The following FAT3 variants were observed in gnomAD, a reference collection of about 807,000 sequenced individuals.
FAT3 encodes the protein protocadherin Fat 3.
FAT3 carries 95 observed loss-of-function variants against 310.2 expected under a neutral mutation model. The ratio of observed to expected loss-of-function variants is 0.31; its 90% CI spans 0.26 to 0.36. The LOEUF (loss-of-function observed/expected upper bound fraction) is 0.36. Among genes scored for constraint, FAT3 ranks in the 10% least tolerant of loss-of-function variants. FAT3 has a pLI of 1.00. For missense variants in FAT3, 5,408 were observed against 5,715.6 expected (o/e 0.95, Z 1.74); for synonymous variants, 2,314 against 2,192.9 (o/e 1.06, Z -1.54).
At chr11:92,687,598 C>G (rs1299841385) in intron 3 of FAT3, among the ~76,000 whole-genome samples, 1 of 152,156 alleles carries the variant, frequency 6.6e-6, no homozygotes, top group Non-Finnish European at 1.5e-5. Flanking sequence ...ATGTGTCTAC[C>G]TCTCTCACTG....
intron 1 of FAT3, among the ~76,000 whole-genome samples, chr11:92,311,041 C>G (rs1947289088): frequency 6.6e-6 from 1 of 150,804 alleles, no homozygotes; most frequent in South Asian, 2.1e-4. Flanking sequence ...TATACATACA[C>G]ATATATATAC....
At chr11:92,757,035 C>T (rs1051882492) in intron 4 of FAT3, among the ~76,000 whole-genome samples, 2 of 150,478 alleles carry the variant, frequency 1.3e-5, no homozygotes, top group Non-Finnish European at 2.9e-5. Context: ...AGCAATTCTC[C>T]TGCCTCAGCC....
chr11:92,740,360 T>C (rs976363295), intron 4 of FAT3, among the ~76,000 whole-genome samples: 1 of 152,194 alleles, frequency 6.6e-6, no homozygotes, highest in African/African-American at 2.4e-5. Flanking sequence ...ATTTAACACA[T>C]TTAATCTGTT....
intron 1 of FAT3, among the ~76,000 whole-genome samples, chr11:92,299,918 C>A (rs577284974): frequency 2.6e-5 from 4 of 152,224 alleles, no homozygotes; most frequent in African/African-American, 9.6e-5. Flanking sequence ...AGAAATCTAT[C>A]TCTTCAGCAG....
intron 3 of FAT3, among the ~76,000 whole-genome samples, chr11:92,647,712 A>G (rs564346950): frequency 8.5e-5 from 13 of 152,254 alleles, no homozygotes; most frequent in East Asian, 1.9e-4. Flanking sequence ...TTTGCAACCA[A>G]TAAACTATCA....
intron 2 of FAT3, among the ~76,000 whole-genome samples, chr11:92,390,816 G>A (rs1487859772): frequency 4.6e-5 from 7 of 152,156 alleles, no homozygotes; most frequent in African/African-American, 1.7e-4. Flanking sequence ...AGCCTGAGAG[G>A]TCTGGGAGCA....
chr11:92,638,734 G>A (rs560821646), intron 3 of FAT3, among the ~76,000 whole-genome samples: 5 of 152,292 alleles, frequency 3.3e-5, no homozygotes, highest in African/African-American at 9.6e-5. Flanking sequence ...GGTTGTGCAC[G>A]TGAAGGAGTA....
chr11:92,833,305 C>T (rs1948315074), intron 14 of FAT3, among the ~76,000 whole-genome samples: 1 of 152,320 alleles, frequency 6.6e-6, no homozygotes, highest in Admixed American at 6.5e-5. Context: ...AGCCTTTGCA[C>T]ATAGTTCCCT....
chr11:92,575,922 C>T (rs187192484), intron 3 of FAT3, among the ~76,000 whole-genome samples: 89 of 152,144 alleles, frequency 5.8e-4, no homozygotes, highest in African/African-American at 2.1e-3. Flanking sequence ...AGAGATGTTG[C>T]CTTTTAAGTT....
intron 4 of FAT3, among the ~76,000 whole-genome samples, chr11:92,712,296 A>G (rs1792363): frequency 0.31 from 47,327 of 151,924 alleles, 7,654 homozygotes; most frequent in Non-Finnish European, 0.33. Flanking sequence ...ATTAAGAAAA[A>G]GGGACTCTGG....
chr11:92,559,597 T>G (rs548383065), intron 3 of FAT3: 1 of 190,566 alleles, frequency 5.2e-6, no homozygotes, highest in South Asian at 7.1e-5. Flanking sequence ...AAGCTGGTCT[T>G]GATCTCCTGG....
chr11:92,668,419 A>G (rs928389914), intron 3 of FAT3, among the ~76,000 whole-genome samples: 3 of 152,184 alleles, frequency 2.0e-5, no homozygotes, highest in Non-Finnish European at 2.9e-5. Flanking sequence ...GGAAATCTCT[A>G]TTTCTCCAAT....
chr11:92,672,835 C>G (rs554620915), intron 3 of FAT3, among the ~76,000 whole-genome samples: 10 of 152,238 alleles, frequency 6.6e-5, no homozygotes, highest in African/African-American at 2.4e-4. Flanking sequence ...AGGCGGAACT[C>G]AGTTAATATT....
At chr11:92,505,213 C>T (rs1168307642) in intron 2 of FAT3, among the ~76,000 whole-genome samples, 2 of 152,082 alleles carry the variant, frequency 1.3e-5, no homozygotes, top group African/African-American at 4.8e-5. Context: ...TGAACCAATT[C>T]CTGATGCTGA....
intron 1 of FAT3, among the ~76,000 whole-genome samples, chr11:92,306,144 A>C (rs74876137): frequency 0.025 from 3,812 of 152,148 alleles, 171 homozygotes; most frequent in African/African-American, 0.086. Context: ...TAACTCCTTC[A>C]TGCCCTGTCT....
At chr11:92,253,879 T>C (rs900725366) in intron 1 of FAT3, among the ~76,000 whole-genome samples, 1 of 152,140 alleles carries the variant, frequency 6.6e-6, no homozygotes, top group Admixed American at 6.6e-5. Flanking sequence ...GAATATTCAG[T>C]TGGAAAAGAT....
intron 1 of FAT3, among the ~76,000 whole-genome samples, chr11:92,323,575 CT>C (rs1032833902): frequency 4.3e-5 from 6 of 138,900 alleles, no homozygotes; most frequent in Non-Finnish European, 6.1e-5. Context: ...TTAAGGGAAT[CT>C]TTTTTTTTCT....
Position 92,762,044 on chromosome 11 carries a change from C to T in FAT3, c.3858C>T (p.Gly1286=), listed in dbSNP as rs2136085261. The change falls in exon 5 of 28, where the codon GGC becomes GGT. Residue 1286 remains glycine, a synonymous_variant. Coordinates refer to ENST00000525166, the MANE Select transcript of FAT3 (RefSeq NM_001367949.2). The part of the protein sequence containing the change: ...YRAFAFDRDE[G]PNAEISYSIV... ...CTTTTGCATTTGATAGAGATGAGGG[C>T]CCCAACGCAGAAATCTCCTACAGTA... is the stretch of plus-strand genomic sequence containing the variant. 1 of 1,613,870 alleles carries T rather than the reference C, an allele frequency of 6.2e-7. No homozygotes were observed.
At chr11:92,443,830 GATAA>G (rs1951140847) in intron 2 of FAT3, among the ~76,000 whole-genome samples, 1 of 152,086 alleles carries the variant, frequency 6.6e-6, no homozygotes, top group Non-Finnish European at 1.5e-5. Flanking sequence ...AGGAGAAGAA[GATAA>G]ATAAGAAGAG....
Sources: allele counts gnomAD v4.1 joint callset (sites outside exome capture counted in the v4.1 genomes callset), GRCh38; gene constraint gnomAD v4.1.1; transcripts MANE v1.5; gene names NCBI Gene and HGNC (gene_info 2026-07-23, HGNC 2026-07-21).